SYT2: variants seen among roughly 807,000 people sequenced by gnomAD.
The protein encoded by SYT2 is synaptotagmin-2.
Under a neutral mutation model 39.9 loss-of-function variants are expected in SYT2, and 15 were observed. That is an observed-to-expected ratio of 0.38 (90% CI 0.25 to 0.58). The LOEUF is 0.58. SYT2 is among the 20% of genes least tolerant of loss of function. The probability of loss-of-function intolerance (pLI) is 0.70; values close to 1 mark genes in which losing one functional copy is unlikely to be tolerated. For synonymous variants in SYT2, 181 were observed against 204.5 expected (o/e 0.89, Z 0.98); for missense variants, 389 against 530.3 (o/e 0.73, Z 2.62).
At chr1:202,698,822 G>T (rs1360900138) in intron 1 of SYT2, among the ~76,000 whole-genome samples, 1 of 152,122 alleles carries the variant, frequency 6.6e-6, no homozygotes, top group Non-Finnish European at 1.5e-5. Flanking sequence ...ACTTCCTAGA[G>T]ATTGTACTTT....
At chr1:202,695,532 G>T (rs925409612) in intron 1 of SYT2, among the ~76,000 whole-genome samples, 1 of 152,226 alleles carries the variant, frequency 6.6e-6, no homozygotes, top group African/African-American at 2.4e-5. Context: ...CAGGACAAGA[G>T]AGCAAAGGTG....
intron 3 of SYT2, 93 bp from the exon 4 acceptor site, chr1:202,603,211 G>A (rs1690579313): frequency 2.0e-6 from 3 of 1,517,416 alleles, no homozygotes; most frequent in Admixed American, 3.7e-5. Flanking sequence ...GCCCCTCTGT[G>A]GTAGACCCTG....
intron 1 of SYT2, among the ~76,000 whole-genome samples, chr1:202,695,714 G>C (rs1347735265): frequency 6.6e-6 from 1 of 152,224 alleles, no homozygotes; most frequent in Non-Finnish European, 1.5e-5. Flanking sequence ...GTGAGGAGAA[G>C]AGATTCATGG....
rs570440179 is a variant in SYT2, at chr1:202,656,682, G to A, written c.-17-50893C>T. 2.0e-4 allele frequency among the ~76,000 whole-genome samples: 31 copies of A among 152,308 alleles called. 1 individual carries two copies. The highest frequency in any genetic ancestry group is 1.9e-3 in the East Asian group (10 of 5,186). On this transcript the variant is annotated intron_variant, in intron 1 of 8. Transcript: ENST00000367268. ...ACACATATGTGGAGGGCCGAACCTC[G>A]TGCCACAGCCATGACATAGGTAAGT...
At chr1:202,650,307 T>G (rs1692165938) in intron 1 of SYT2, among the ~76,000 whole-genome samples, 1 of 152,212 alleles carries the variant, frequency 6.6e-6, no homozygotes, top group Non-Finnish European at 1.5e-5. Flanking sequence ...AAGGGTCATG[T>G]GCTTGCACGC....
chr1:202,693,961 G>C (rs1051077107), intron 1 of SYT2, among the ~76,000 whole-genome samples: 1 of 152,232 alleles, frequency 6.6e-6, no homozygotes, highest in African/African-American at 2.4e-5. Context: ...CATGGCAAGA[G>C]CCAGAGCAAG....
chr1:202,611,090 G>A (rs528744010), intron 1 of SYT2, among the ~76,000 whole-genome samples: 64 of 152,250 alleles, frequency 4.2e-4, no homozygotes, highest in African/African-American at 1.5e-3. Context: ...GAGGTGAAGC[G>A]GCATTTCATT....
chr1:202,656,057 C>T (rs1034361881), intron 1 of SYT2, among the ~76,000 whole-genome samples: 1 of 152,002 alleles, frequency 6.6e-6, no homozygotes, highest in African/African-American at 2.4e-5. Flanking sequence ...GGGTGAACAG[C>T]GGGCCGTGCC....
intron 1 of SYT2, among the ~76,000 whole-genome samples, chr1:202,697,069 T>G (rs1302214309): frequency 6.6e-6 from 1 of 152,238 alleles, no homozygotes; most frequent in Non-Finnish European, 1.5e-5. Context: ...CTCCAGTAAG[T>G]GTTCCACTAA....
At chr1:202,658,495 G>T (rs540555955) in intron 1 of SYT2, among the ~76,000 whole-genome samples, 1 of 152,048 alleles carries the variant, frequency 6.6e-6, no homozygotes, top group South Asian at 2.1e-4. Flanking sequence ...GATGGCTGAA[G>T]TCCCCACTCC....
chr1:202,660,406 TTC>T (rs1692354862), intron 1 of SYT2, among the ~76,000 whole-genome samples: 1 of 152,192 alleles, frequency 6.6e-6, no homozygotes, highest in African/African-American at 2.4e-5. Flanking sequence ...TGGCTACAAC[TTC>T]TGTTACCGCT....
At chr1:202,641,758 C>A (rs1644667317) in intron 1 of SYT2, among the ~76,000 whole-genome samples, 1 of 152,226 alleles carries the variant, frequency 6.6e-6, no homozygotes, top group South Asian at 2.1e-4. Context: ...AGAGAGCAGA[C>A]CGCATGACCT....
intron 1 of SYT2, among the ~76,000 whole-genome samples, chr1:202,618,745 C>T (rs1217443308): frequency 6.6e-6 from 1 of 152,180 alleles, no homozygotes; most frequent in African/African-American, 2.4e-5. Context: ...CTTATTTTTC[C>T]AAGGCTGCCC....
chr1:202,657,062 G>A (rs957156421), intron 1 of SYT2, among the ~76,000 whole-genome samples: 12 of 152,240 alleles, frequency 7.9e-5, no homozygotes, highest in South Asian at 2.1e-4. Flanking sequence ...AAATTCTTCC[G>A]GGCACAGCTC....
intron 1 of SYT2, among the ~76,000 whole-genome samples, chr1:202,665,360 T>C (rs1047007635): frequency 6.6e-6 from 1 of 152,184 alleles, no homozygotes; most frequent in African/African-American, 2.4e-5. Flanking sequence ...GTGACATTCA[T>C]CAAAAAATTA....
At chr1:202,622,168 C>T (rs1691218586) in intron 1 of SYT2, among the ~76,000 whole-genome samples, 1 of 152,220 alleles carries the variant, frequency 6.6e-6, no homozygotes, top group South Asian at 2.1e-4. Flanking sequence ...GTCACCGAAG[C>T]TCACAGGCTA....
intron 1 of SYT2, among the ~76,000 whole-genome samples, chr1:202,661,759 C>T (rs1025444536): frequency 5.9e-5 from 9 of 152,214 alleles, no homozygotes; most frequent in Admixed American, 2.0e-4. Context: ...AAAGGGCTTT[C>T]GAAATTCATT....
intron 1 of SYT2, among the ~76,000 whole-genome samples, chr1:202,633,553 G>A (rs1691656407): frequency 1.3e-5 from 2 of 152,112 alleles, no homozygotes; most frequent in East Asian, 1.9e-4. Flanking sequence ...GTGTTGCTGA[G>A]CACAGCAGTG....
chr1:202,709,775 C>T (rs1169926767), intron 1 of SYT2, among the ~76,000 whole-genome samples: 1 of 152,194 alleles, frequency 6.6e-6, no homozygotes, highest in Admixed American at 6.5e-5. Flanking sequence ...GCCCAGACCC[C>T]ACCCCCCGCC....
Sources: allele counts gnomAD v4.1 joint callset (sites outside exome capture counted in the v4.1 genomes callset), GRCh38; gene constraint gnomAD v4.1.1; transcripts MANE v1.5; gene names NCBI Gene and HGNC (gene_info 2026-07-23, HGNC 2026-07-21).